LRP11: variants seen among roughly 807,000 people sequenced by gnomAD.
LRP11 encodes LDL receptor related protein 11, also known as low-density lipoprotein receptor-related protein 11.
In LRP11, 25 loss-of-function variants were observed where a neutral mutation model predicts 43.1. The ratio of observed to expected loss-of-function variants is 0.58; its 90% CI spans 0.42 to 0.81. LRP11 has a LOEUF of 0.81. Among genes scored for constraint, LRP11 ranks in the 30% least tolerant of loss-of-function variants. The pLI, the probability that LRP11 is intolerant of heterozygous loss-of-function variation, is 0.00. For synonymous variants in LRP11, 316 were observed against 299.4 expected (o/e 1.06, Z -0.57); for missense variants, 623 against 665.1 (o/e 0.94, Z 0.70).
chr6:149,831,923 A>G (rs928982276), intron 5 of LRP11, among the ~76,000 whole-genome samples: 74 of 152,292 alleles, frequency 4.9e-4, no homozygotes, highest in African/African-American at 1.8e-3. Flanking sequence ...TTGGCCTTCC[A>G]AAGTGCTGGG....
rs779760735 is a variant in LRP11 at position 149,843,124 on chromosome 6, C to A, written c.772G>T (p.Val258Leu). ...AGCTTCAGGGTTCCTGATTGAGGCA[C>A]CTGCCACACAGATGGGACACATCAC... ...LQGDPSVDMK[V>L]PQSGTLKLSH... The change falls in exon 3 of 7, where the codon GTG (valine) becomes TTG (leucine). Residue 258 changes from valine (V) to leucine (L), a missense_variant and splice_region_variant. By Grantham distance (32) the Val-to-Leu change is conservative (BLOSUM62 1). Coordinates refer to ENST00000239367, the MANE Select transcript of LRP11 (RefSeq NM_032832.6). 6.2e-7 allele frequency: 1 copy of A among 1,614,114 alleles called. No individual in the cohort carries two copies. The highest frequency in any genetic ancestry group is 8.5e-7 in the Non-Finnish European group (1 of 1,179,990).
intron 3 of LRP11, among the ~76,000 whole-genome samples, chr6:149,839,907 A>G (rs1033791897): frequency 2.6e-5 from 4 of 152,232 alleles, no homozygotes; most frequent in Admixed American, 6.5e-5. Context: ...TTAAGGAAAA[A>G]AATTAAAAAT....
intron 5 of LRP11, among the ~76,000 whole-genome samples, chr6:149,832,191 C>CTT (rs5880854): frequency 0.038 from 4,932 of 130,060 alleles, 519 homozygotes; most frequent in African/African-American, 0.13. Context: ...TGAGCTAAGT[C>CTT]TTTTTTTTTT....
At position 149,826,272 on chromosome 6, in the gene LRP11, G is replaced by A. The variant is rs528287841; in HGVS notation, c.1340C>T (p.Pro447Leu). ...CCAAGGTGGACATTTACCTGTTTCT[G>A]GGGCTGGGTGTTCCCCTCCTCCTCC... is the stretch of plus-strand genomic sequence containing the variant. ...GDGGGGEHPA[P>L]ETGAVLPLAL... Residue 447 changes from proline (P) to leucine (L), a missense_variant, in exon 6 of 7, where the codon CCA (proline) becomes CTA (leucine). Pro to Leu is a moderately conservative substitution (Grantham distance 98). Coordinates refer to ENST00000239367, the MANE Select transcript of LRP11 (RefSeq NM_032832.6). 6.8e-6 allele frequency: 11 copies of A among 1,612,510 alleles called. No individual in the cohort carries two copies. The South Asian group carries it at 1.1e-4, about 16-fold the overall frequency.
chr6:149,840,097 C>T (rs866749150), intron 3 of LRP11, among the ~76,000 whole-genome samples: 7 of 152,042 alleles, frequency 4.6e-5, no homozygotes, highest in Admixed American at 3.3e-4. Context: ...AAAAATTGAA[C>T]CAAGTTATGA....
intron 6 of LRP11, among the ~76,000 whole-genome samples, chr6:149,825,933 G>A (rs1254641963): frequency 6.6e-6 from 1 of 152,176 alleles, no homozygotes; most frequent in African/African-American, 2.4e-5. Flanking sequence ...ACAGGCGTGA[G>A]CCACTGTGCC....
intron 5 of LRP11, among the ~76,000 whole-genome samples, chr6:149,828,063 C>T (rs1407964405): frequency 2.0e-5 from 3 of 150,340 alleles, no homozygotes; most frequent in Admixed American, 6.7e-5. Context: ...TGGTGGTGGG[C>T]GCCTGTAATC....
Position 149,864,058 on chromosome 6 carries a change from T to A in LRP11, c.-38A>T. 6 of 1,276,894 alleles carry A rather than the reference T, an allele frequency of 4.7e-6. No homozygotes were observed. The highest frequency in any genetic ancestry group is 5.9e-6 in the Non-Finnish European group (6 of 1,015,508). The allele number at this position is 1,276,894 out of a possible 1,614,324, so 79.1% of individuals were successfully genotyped here. On this transcript the variant is annotated 5_prime_UTR_variant, in exon 1 of 7. Coordinates refer to ENST00000239367, the MANE Select transcript of LRP11 (RefSeq NM_032832.6). ...CAAGGGCAGCGAGCCGAGGCGGGGC[T>A]GAGCGCGGGAGGAAGGCGGGGACGC...
intron 2 of LRP11, among the ~76,000 whole-genome samples, chr6:149,844,380 T>G (rs1776600744): frequency 6.6e-6 from 1 of 152,200 alleles, no homozygotes; most frequent in Non-Finnish European, 1.5e-5. Context: ...AGTCATTCAT[T>G]GCAGAAGCCC....
intron 1 of LRP11, among the ~76,000 whole-genome samples, chr6:149,859,609 T>C (rs1776861024): frequency 6.6e-6 from 1 of 151,724 alleles, no homozygotes; most frequent in Non-Finnish European, 1.5e-5. Flanking sequence ...TTTGTCAGGC[T>C]GGTTTCTAAC....
At chr6:149,851,945 A>C (rs1167039107) in intron 2 of LRP11, among the ~76,000 whole-genome samples, 1 of 152,222 alleles carries the variant, frequency 6.6e-6, no homozygotes, top group Non-Finnish European at 1.5e-5. Flanking sequence ...CCTTCTTCAC[A>C]AGGTGGCAGG....
intron 3 of LRP11, among the ~76,000 whole-genome samples, chr6:149,839,518 T>G (rs888807629): frequency 3.3e-5 from 5 of 152,246 alleles, no homozygotes; most frequent in African/African-American, 1.2e-4. Flanking sequence ...CTCAAGGTTT[T>G]ATTTATTCTT....
chr6:149,850,302 GA>G (rs1776699239), intron 2 of LRP11, among the ~76,000 whole-genome samples: 1 of 152,190 alleles, frequency 6.6e-6, no homozygotes, highest in African/African-American at 2.4e-5. Context: ...AGAGAAAAAG[GA>G]ATTTGATTTG....
chr6:149,847,267 T>G (rs868715792), intron 2 of LRP11, among the ~76,000 whole-genome samples: 4 of 151,814 alleles, frequency 2.6e-5, no homozygotes, highest in African/African-American at 9.7e-5. Context: ...TTGGCATGCT[T>G]CCCCCCTGCC....
intron 1 of LRP11, among the ~76,000 whole-genome samples, chr6:149,859,404 T>A (rs1463735862): frequency 1.8e-4 from 13 of 74,116 alleles, no homozygotes; most frequent in East Asian, 1.3e-3. Context: ...ATATTTTTTT[T>A]TTTTTTTTTT....
At chr6:149,840,564 T>C (rs1315282959) in intron 3 of LRP11, among the ~76,000 whole-genome samples, 5 of 152,222 alleles carry the variant, frequency 3.3e-5, no homozygotes, top group Admixed American at 3.3e-4. Flanking sequence ...GGTGAGGTGC[T>C]GGCCATCTGC....
At chr6:149,862,643 G>A (rs1776935117) in intron 1 of LRP11, among the ~76,000 whole-genome samples, 1 of 145,322 alleles carries the variant, frequency 6.9e-6, no homozygotes, top group Non-Finnish European at 1.5e-5. Flanking sequence ...GCAATGGCGC[G>A]ATCTCGGCTC....
intron 3 of LRP11, chr6:149,842,567 G>C: frequency 7.2e-7 from 1 of 1,384,386 alleles, no homozygotes. Context: ...TCCGTCCCCC[G>C]CACAGCCTCC....
At position 149,820,510 on chromosome 6, in the gene LRP11, C is replaced by T. The variant is rs577365145; in HGVS notation, c.*39G>A. 10 of 753,846 alleles carry T rather than the reference C, an allele frequency of 1.3e-5. No individual in the cohort carries two copies. The African/African-American group carries it at 1.5e-4, about 12-fold the overall frequency. The allele number at this position is 753,846 out of a possible 1,614,324, so 46.7% of individuals were successfully genotyped here. ...ACTTAATAGATGTATAAATTATAAA[C>T]AAAACATGTCCCTGCCCCAAGGTAT... On this transcript the variant is annotated 3_prime_UTR_variant, in exon 7 of 7. Transcript: ENST00000239367.
Sources: allele counts gnomAD v4.1 joint callset (sites outside exome capture counted in the v4.1 genomes callset), GRCh38; gene constraint gnomAD v4.1.1; transcripts MANE v1.5; gene names NCBI Gene and HGNC (gene_info 2026-07-23, HGNC 2026-07-21).